The following CTNNA2 variants were observed in gnomAD, a reference collection of about 807,000 sequenced individuals.
The protein encoded by CTNNA2 is catenin alpha 2, also known as catenin alpha-2.
Under a neutral mutation model 101.0 loss-of-function variants are expected in CTNNA2, and 42 were observed. That is an observed-to-expected ratio of 0.42 (90% CI 0.32 to 0.54). The LOEUF (loss-of-function observed/expected upper bound fraction) is 0.54. Ranked by LOEUF, CTNNA2 falls within the 20% of genes least tolerant of loss-of-function variation. The pLI is 0.14. For missense variants in CTNNA2, 871 were observed against 1,223.1 expected (o/e 0.71, Z 4.29); for synonymous variants, 450 against 456.4 (o/e 0.99, Z 0.18).
rs145170123 is a variant in CTNNA2, at chr2:80,218,423, A to G, written c.1057-174788A>G. On this transcript the variant is annotated intron_variant, in intron 7 of 18. Coordinates refer to ENST00000402739, the MANE Select transcript of CTNNA2 (RefSeq NM_001282597.3). ...ATGGATTCATGAAAAGACCAGACAAACCTATATTTAAAGGGATTGCCCTTG... is the reference window on the plus strand; with the variant it reads ...ATGGATTCATGAAAAGACCAGACAAGCCTATATTTAAAGGGATTGCCCTTG... Among the ~76,000 whole-genome samples, 216 of 152,338 alleles carry G rather than the reference A, an allele frequency of 1.4e-3. 2 individuals are homozygous for G. The highest frequency in any genetic ancestry group is 5.0e-3 in the African/African-American group (208 of 41,590).
At chr2:79,866,204 G>GT (rs1431970567) in intron 4 of CTNNA2, among the ~76,000 whole-genome samples, 5 of 152,210 alleles carry the variant, frequency 3.3e-5, no homozygotes, top group Admixed American at 6.5e-5. Context: ...TTTAAGAGTT[G>GT]TAAGTGACAA....
At chr2:80,065,908 A>G (rs977130718) in intron 7 of CTNNA2, among the ~76,000 whole-genome samples, 10 of 152,186 alleles carry the variant, frequency 6.6e-5, no homozygotes, top group African/African-American at 4.8e-5. Flanking sequence ...CCTCTTTCCA[A>G]TTCCTGAAAT....
At position 79,309,652 on chromosome 2, in the gene CTNNA2, T is replaced by C. The variant is rs181162014; in HGVS notation, c.-405-3057T>C. 2.0e-4 allele frequency among the ~76,000 whole-genome samples: 30 copies of C among 152,242 alleles called. No homozygotes were observed. In the East Asian group the frequency reaches 3.7e-3, roughly 19 times the overall value. On this transcript the variant is annotated intron_variant, in intron 2 of 21. Coordinates refer to the CTNNA2 transcript ENST00000466387. Reference sequence around the variant, plus strand: ...TGAGAGAATTTTGTTATCATACAGATTGATGATTTAAACTGGTCTAATTAG... The same window carrying C: ...TGAGAGAATTTTGTTATCATACAGACTGATGATTTAAACTGGTCTAATTAG...
chr2:80,278,271 TA>T (rs750775243), intron 7 of CTNNA2, among the ~76,000 whole-genome samples: 18 of 152,114 alleles, frequency 1.2e-4, no homozygotes, highest in Non-Finnish European at 2.1e-4. Flanking sequence ...GATTTAGCTA[TA>T]AAAAATAATA....
At chr2:80,405,044 C>G (rs1218560541) in intron 8 of CTNNA2, among the ~76,000 whole-genome samples, 1 of 152,116 alleles carries the variant, frequency 6.6e-6, no homozygotes, top group East Asian at 1.9e-4. Context: ...GCTATGAGTG[C>G]TAAGAATGGT....
At chr2:80,058,785 GA>G (rs1697391627) in intron 7 of CTNNA2, among the ~76,000 whole-genome samples, 1 of 151,912 alleles carries the variant, frequency 6.6e-6, no homozygotes, top group Non-Finnish European at 1.5e-5. Flanking sequence ...GAATCCCCCA[GA>G]CCCCCTGCTA....
At chr2:79,576,069 GACTT>G (rs1230279679) in intron 1 of CTNNA2, among the ~76,000 whole-genome samples, 3 of 151,814 alleles carry the variant, frequency 2.0e-5, no homozygotes, top group African/African-American at 7.3e-5. Context: ...CCTTTTTTTG[GACTT>G]ACTTATGAAT....
At chr2:80,454,653 G>C (rs889523911) in intron 9 of CTNNA2, among the ~76,000 whole-genome samples, 1 of 152,332 alleles carries the variant, frequency 6.6e-6, no homozygotes, top group South Asian at 2.1e-4. Flanking sequence ...GGCTGACGGA[G>C]GGCAAGTACC....
intron 7 of CTNNA2, among the ~76,000 whole-genome samples, chr2:79,997,281 T>C (rs1692618724): frequency 1.3e-5 from 2 of 148,310 alleles, no homozygotes; most frequent in Admixed American, 6.8e-5. Flanking sequence ...TTTTCTACTA[T>C]GTTTATTTCT....
chr2:79,865,712 T>C (rs1013810874), intron 4 of CTNNA2, among the ~76,000 whole-genome samples: 3 of 152,188 alleles, frequency 2.0e-5, no homozygotes, highest in Admixed American at 6.5e-5. Flanking sequence ...AGGGCTGCTT[T>C]ATTTATTTAT....
At chr2:79,918,376 A>G (rs1450505334) in intron 7 of CTNNA2, among the ~76,000 whole-genome samples, 1 of 152,226 alleles carries the variant, frequency 6.6e-6, no homozygotes, top group African/African-American at 2.4e-5. Context: ...TGCAAAGAAC[A>G]GGACAAAGAA....
intron 3 of CTNNA2, among the ~76,000 whole-genome samples, chr2:79,763,009 T>C (rs1672902875): frequency 6.6e-6 from 1 of 152,188 alleles, no homozygotes. Flanking sequence ...TTAACCCAAG[T>C]GCTCTTATCC....
In CTNNA2 at chr2:79,513,130, C is replaced by G. The variant is rs1347715265; in HGVS notation, c.-83C>G. The G allele has an allele frequency of 6.6e-6, 1 of 152,590 alleles. No homozygotes were observed. The highest frequency in any genetic ancestry group is 1.5e-5 in the Non-Finnish European group (1 of 68,398). 9.5% of individuals were successfully genotyped at this position (152,590 alleles called of 1,614,324 possible). ...GTCCCTGCCGCCGCCTCTCCAGTCC[C>G]TTCTGTGATTACCACTCCAGCTGCT... On this transcript the variant is annotated 5_prime_UTR_variant, in exon 1 of 19. Coordinates refer to ENST00000402739, the MANE Select transcript of CTNNA2 (RefSeq NM_001282597.3).
intron 3 of CTNNA2, among the ~76,000 whole-genome samples, chr2:79,817,316 CTT>C (rs550422225): frequency 0.055 from 4,044 of 73,330 alleles, 65 homozygotes; most frequent in Admixed American, 0.11. Context: ...TTCTCTCTCA[CTT>C]TTTTTTTTTT....
chr2:80,081,752 GCT>G (rs1420297563), intron 7 of CTNNA2, among the ~76,000 whole-genome samples: 1 of 145,134 alleles, frequency 6.9e-6, no homozygotes, highest in Non-Finnish European at 1.5e-5. Context: ...TCTCTCTCTT[GCT>G]CTCTTTCTCT....
At chr2:79,817,536 G>C (rs759699394) in intron 3 of CTNNA2, among the ~76,000 whole-genome samples, 4 of 151,904 alleles carry the variant, frequency 2.6e-5, no homozygotes, top group Non-Finnish European at 5.9e-5. Context: ...ACCATGTGTT[G>C]TATCTCACCC....
At chr2:79,282,829 C>T (rs1333103244) in intron 2 of CTNNA2, among the ~76,000 whole-genome samples, 2 of 104,522 alleles carry the variant, frequency 1.9e-5, no homozygotes, top group Admixed American at 1.0e-4. Context: ...TGAGGAATCA[C>T]CACACTGACT....
At chr2:80,516,346 C>G (rs1573100180) in intron 9 of CTNNA2, among the ~76,000 whole-genome samples, 1 of 152,180 alleles carries the variant, frequency 6.6e-6, no homozygotes, top group East Asian at 1.9e-4. Flanking sequence ...GCCGCAGAAG[C>G]TATGTGATTT....
intron 7 of CTNNA2, among the ~76,000 whole-genome samples, chr2:79,950,141 GA>G (rs11305062): frequency 0.16 from 23,263 of 144,334 alleles, 1,914 homozygotes; most frequent in East Asian, 0.26. Context: ...CAGATTTTGT[GA>G]AAAAAAAAAA....
Sources: allele counts gnomAD v4.1 joint callset (sites outside exome capture counted in the v4.1 genomes callset), GRCh38; gene constraint gnomAD v4.1.1; transcripts MANE v1.5; gene names NCBI Gene and HGNC (gene_info 2026-07-23, HGNC 2026-07-21).